Variants in IRAG1 observed in about 807,000 individuals in gnomAD.
IRAG1 encodes IP3R-associated cGMP kinase substrate.
In IRAG1, 62 loss-of-function variants were observed where a neutral mutation model predicts 106.2. The ratio of observed to expected loss-of-function variants is 0.58; its 90% CI spans 0.48 to 0.72. The LOEUF (loss-of-function observed/expected upper bound fraction) is 0.72, where lower values mean the gene tolerates loss of function less well. IRAG1 is among the 30% of genes least tolerant of loss of function. The pLI is 0.00. For synonymous variants in IRAG1, 462 were observed against 443.9 expected, an observed-to-expected ratio of 1.04 and a Z score of -0.51; for missense variants, 1,064 against 1,140.7, an observed-to-expected ratio of 0.93 and a Z score of 0.97.
chr11:10,680,882 G>A (rs938816779), intron 1 of IRAG1, among the ~76,000 whole-genome samples: 9 of 152,034 alleles, frequency 5.9e-5, no homozygotes, highest in African/African-American at 2.2e-4. Context: ...GCAGTGAGAG[G>A]GATTATGTTA....
At chr11:10,594,922 A>C (rs1591569782) in intron 15 of IRAG1, among the ~76,000 whole-genome samples, 1 of 151,656 alleles carries the variant, frequency 6.6e-6, no homozygotes, top group East Asian at 1.9e-4. Context: ...GTGTTTTTTC[A>C]AAAAAAAATT....
rs529794705 is a variant in IRAG1 at position 10,576,237 on chromosome 11, G to A, written c.*95C>T. 55 of 1,512,206 alleles carry A rather than the reference G, an allele frequency of 3.6e-5. 1 individual carries two copies. Among genetic ancestry groups the A allele is most frequent in the South Asian group, 1.1e-4 (9 of 83,000 alleles). 93.7% of individuals were successfully genotyped at this position (1,512,206 alleles called of 1,614,324 possible). A position where few individuals can be genotyped will look rare whatever the true frequency, so the allele number is the denominator to read the frequency against. ...TTCCTCATGACCTGATGGGATGGGC[G>A]GCAGTGTGTCCACACTTGGGCCTGA... On this transcript the variant is annotated 3_prime_UTR_variant, in exon 21 of 21. Coordinates refer to ENST00000423302, the MANE Select transcript of IRAG1 (RefSeq NM_130385.4).
intron 2 of IRAG1, among the ~76,000 whole-genome samples, chr11:10,644,079 T>G (rs1252190908): frequency 1.3e-5 from 2 of 152,260 alleles, no homozygotes; most frequent in African/African-American, 4.8e-5. Context: ...AGCTCTTTTT[T>G]ATAATGATGG....
chr11:10,693,478 G>T, intron 1 of IRAG1, 58 bp downstream of exon 1: 3 of 1,534,066 alleles, frequency 2.0e-6, no homozygotes, highest in South Asian at 1.2e-5. Flanking sequence ...GGAAGAGAAG[G>T]TTCCCTCCGC....
intron 15 of IRAG1, among the ~76,000 whole-genome samples, chr11:10,597,860 G>A (rs1037289659): frequency 6.6e-6 from 1 of 152,182 alleles, no homozygotes; most frequent in Non-Finnish European, 1.5e-5. Flanking sequence ...CAGATGCAGG[G>A]TCTGTCTCTC....
chr11:10,627,488 G>A (rs1215680114), intron 8 of IRAG1, among the ~76,000 whole-genome samples: 8 of 152,250 alleles, frequency 5.3e-5, no homozygotes, highest in Admixed American at 5.2e-4. Flanking sequence ...AGCGCTGTGA[G>A]TATTGCCTCC....
At position 10,573,776 on chromosome 11, in the gene IRAG1, A is replaced by C. The variant is rs1004279997; in HGVS notation, c.*2556T>G. 6.6e-6 allele frequency: 1 copy of C among 152,234 alleles called. No homozygotes were observed. The highest frequency in any genetic ancestry group is 6.5e-5 in the Admixed American group (1 of 15,284). The allele number at this position is 152,234 out of a possible 1,614,324, so 9.4% of individuals were successfully genotyped here. On this transcript the variant is annotated 3_prime_UTR_variant, in exon 21 of 21. Coordinates refer to ENST00000423302, the MANE Select transcript of IRAG1 (RefSeq NM_130385.4). ...ACCAAGTGAACAATGGGGCCAGCTG[A>C]GCCTGGCCCTGCTTTAAGGGAGGCA...
At chr11:10,586,481 G>T (rs1037838872) in intron 18 of IRAG1, among the ~76,000 whole-genome samples, 1 of 149,438 alleles carries the variant, frequency 6.7e-6, no homozygotes, top group African/African-American at 2.5e-5. Flanking sequence ...GCAGTGGCAT[G>T]ATCTGGGCAC....
chr11:10,624,834 C>G (rs1856113293), intron 9 of IRAG1, among the ~76,000 whole-genome samples: 1 of 152,136 alleles, frequency 6.6e-6, no homozygotes, highest in African/African-American at 2.4e-5. Flanking sequence ...TGGGCGAAAT[C>G]TGCAGGAGTG....
intron 2 of IRAG1, 49 bp downstream of exon 2, chr11:10,651,976 T>C (rs773894229): frequency 3.8e-5 from 58 of 1,511,412 alleles, no homozygotes; most frequent in Non-Finnish European, 5.1e-5. Context: ...CCAGGGTGCT[T>C]GGCTTGGCCC....
intron 15 of IRAG1, among the ~76,000 whole-genome samples, chr11:10,597,261 T>C (rs1204723536): frequency 1.3e-5 from 2 of 152,242 alleles, no homozygotes; most frequent in Non-Finnish European, 2.9e-5. Context: ...TGAGGAGTTC[T>C]ATTTTATTCT....
At chr11:10,684,714 G>C (rs1352692374) in intron 1 of IRAG1, among the ~76,000 whole-genome samples, 2 of 151,634 alleles carry the variant, frequency 1.3e-5, no homozygotes, top group Non-Finnish European at 1.5e-5. Context: ...GCCTTCCTGA[G>C]GCATTGCTGG....
At chr11:10,645,202 GTGCCTACCA>G (rs1308493447) in intron 2 of IRAG1, among the ~76,000 whole-genome samples, 1 of 152,182 alleles carries the variant, frequency 6.6e-6, no homozygotes, top group African/African-American at 2.4e-5. Context: ...TATTTATTGA[GTGCCTACCA>G]TGTGTATGTG....
At chr11:10,650,299 T>C (rs1018584328) in intron 2 of IRAG1, among the ~76,000 whole-genome samples, 15 of 152,218 alleles carry the variant, frequency 9.9e-5, no homozygotes, top group Non-Finnish European at 1.9e-4. Flanking sequence ...CTGAAAGAAC[T>C]TTTAATTATA....
Position 10,606,787 on chromosome 11 carries a change from A to T in IRAG1, c.1572-15T>A. The T allele has an allele frequency of 6.3e-7, 1 of 1,577,752 alleles. No individual in the cohort carries two copies. The highest frequency in any genetic ancestry group is 1.7e-4 in the Middle Eastern group (1 of 6,016). ...GTGGAGGGGCACTGTGAAAAAGAAA[A>T]CACACAATTGAACTGTGTGCAACCT... On this transcript the variant is annotated splice_polypyrimidine_tract_variant and intron_variant, in intron 11 of 20. Transcript: ENST00000423302.
intron 15 of IRAG1, among the ~76,000 whole-genome samples, chr11:10,598,175 TCAGACCACAGGCAAGTG>T (rs1203778698): frequency 2.3e-4 from 35 of 152,238 alleles, no homozygotes; most frequent in Non-Finnish European, 1.3e-4. Flanking sequence ...AGGCCTTGTC[TCAGACCACAGGCAAGTG>T]CAAAAGCTCA....
chr11:10,677,635 T>C (rs903826), intron 1 of IRAG1, among the ~76,000 whole-genome samples: 60,835 of 151,914 alleles, frequency 0.4, 12,508 homozygotes, highest in African/African-American at 0.47. Flanking sequence ...GTGTGACATA[T>C]GATGTATCAT....
At chr11:10,639,642 C>G (rs1427782817) in intron 2 of IRAG1, among the ~76,000 whole-genome samples, 1 of 152,160 alleles carries the variant, frequency 6.6e-6, no homozygotes, top group Non-Finnish European at 1.5e-5. Context: ...TCTCTGATGA[C>G]TCTTCCCCTG....
chr11:10,641,912 C>T (rs145723578), intron 2 of IRAG1, among the ~76,000 whole-genome samples: 77 of 152,350 alleles, frequency 5.1e-4, no homozygotes, highest in Non-Finnish European at 1.0e-3. Flanking sequence ...CTTCCCACGA[C>T]ACCACGCTAC....
Sources: gnomAD v4.1 joint callset for allele counts (sites outside exome capture counted in the v4.1 genomes callset) on GRCh38, gnomAD v4.1.1 for gene constraint, MANE v1.5 for transcripts, NCBI Gene and HGNC (gene_info 2026-07-23, HGNC 2026-07-21) for gene names.